LEPR: variants seen among roughly 807,000 people sequenced by gnomAD.
LEPR encodes OB receptor.
Under a neutral mutation model 114.7 loss-of-function variants are expected in LEPR, and 56 were observed. The ratio of observed to expected loss-of-function variants is 0.49; its 90% confidence interval spans 0.39 to 0.61. The LOEUF (loss-of-function observed/expected upper bound fraction) is 0.61. Ranked by LOEUF, LEPR falls within the 20% of genes least tolerant of loss-of-function variation. The probability of loss-of-function intolerance (pLI) is 0.00; values close to 1 mark genes in which losing one functional copy is unlikely to be tolerated. For synonymous variants in LEPR, 443 were observed against 461.4 expected, an observed-to-expected ratio of 0.96 and a Z score of 0.51; for missense variants, 1,202 against 1,352.9, an observed-to-expected ratio of 0.89 and a Z score of 1.75.
intron 2 of LEPR, among the ~76,000 whole-genome samples, chr1:65,430,631 C>G (rs1393309722): frequency 6.6e-6 from 1 of 152,150 alleles, no homozygotes; most frequent in Non-Finnish European, 1.5e-5. Flanking sequence ...CAATTACGTT[C>G]TATTTTAATT....
At chr1:65,604,924 C>T in intron 10 of LEPR, 114 bp from the exon 11 acceptor site, 1 of 1,319,640 alleles carries the variant, frequency 7.6e-7, no homozygotes. Context: ...AAACCGGTCC[C>T]TGGTGCCAAA....
chr1:65,519,407 C>T (rs1424797901), intron 2 of LEPR, among the ~76,000 whole-genome samples: 1 of 152,012 alleles, frequency 6.6e-6, no homozygotes, highest in African/African-American at 2.4e-5. Flanking sequence ...GCCTGAGCTT[C>T]CTAAAATGCT....
chr1:65,590,092 T>G (rs954901331), intron 5 of LEPR, among the ~76,000 whole-genome samples: 2 of 151,882 alleles, frequency 1.3e-5, no homozygotes, highest in Admixed American at 1.3e-4. Flanking sequence ...CTTAATAATT[T>G]CCGTCAACAG....
chr1:65,499,631 A>T (rs1428082742), intron 2 of LEPR, among the ~76,000 whole-genome samples: 14 of 152,190 alleles, frequency 9.2e-5, no homozygotes, highest in Non-Finnish European at 2.1e-4. Flanking sequence ...TATATAATGC[A>T]GTCAGTAGGG....
intron 12 of LEPR, among the ~76,000 whole-genome samples, 180 bp from the exon 13 acceptor site, chr1:65,609,767 C>G (rs1195352115): frequency 6.6e-6 from 1 of 152,130 alleles, no homozygotes; most frequent in African/African-American, 2.4e-5. Flanking sequence ...TAAGAAAATC[C>G]TTGACTTGAA....
intron 6 of LEPR, 138 bp from the exon 7 acceptor site, chr1:65,596,310 A>G: frequency 9.7e-7 from 1 of 1,030,936 alleles, no homozygotes. Context: ...CGGTTCTATA[A>G]TTAGTCCTTG....
chr1:65,492,165 G>T (rs1159345824), intron 2 of LEPR, among the ~76,000 whole-genome samples: 1 of 152,018 alleles, frequency 6.6e-6, no homozygotes. Context: ...GTGCACAAGT[G>T]GGGGTAAAAG....
intron 2 of LEPR, among the ~76,000 whole-genome samples, chr1:65,534,228 T>A (rs1055584046): frequency 1.1e-4 from 17 of 152,182 alleles, no homozygotes; most frequent in Non-Finnish European, 2.4e-4. Flanking sequence ...TCACTTCAAA[T>A]TTTCTTTCAT....
At position 65,596,585 on chromosome 1, in the gene LEPR, A is replaced by T. The variant is rs775355985; in HGVS notation, c.841A>T (p.Ile281Phe). 2 of 1,612,176 alleles carry T rather than the reference A, an allele frequency of 1.2e-6. No individual in the cohort carries two copies. The highest frequency in any genetic ancestry group is 1.7e-6 in the Non-Finnish European group (2 of 1,178,750). Residue 281 changes from isoleucine (I) to phenylalanine (F), a missense_variant, in exon 7 of 20, where the codon ATC (isoleucine) becomes TTC (phenylalanine). Ile to Phe is a conservative substitution (Grantham distance 21, BLOSUM62 0). Coordinates refer to ENST00000349533, the MANE Select transcript of LEPR (RefSeq NM_002303.6). Reference protein sequence around the residue: ...VKYSENSTTVIREADKIVSAT... With the variant: ...VKYSENSTTVFREADKIVSAT... Reference sequence around the variant, plus strand: ...ATATTCAGAGAATTCTACAACAGTTATCAGAGAAGTAAGTATATTTTAGTA... The same window carrying T: ...ATATTCAGAGAATTCTACAACAGTTTTCAGAGAAGTAAGTATATTTTAGTA...
chr1:65,522,652 A>G (rs1021753467), intron 2 of LEPR, among the ~76,000 whole-genome samples: 6 of 152,222 alleles, frequency 3.9e-5, no homozygotes, highest in Non-Finnish European at 7.3e-5. Context: ...TATGTTTTTG[A>G]AACTAACAAC....
In LEPR at chr1:65,433,187, A is replaced by G. The variant is rs1185022175; in HGVS notation, c.-21+7809A>G. 6.1e-6 allele frequency: 6 copies of G among 985,014 alleles called. No homozygotes were observed. In the Admixed American group the frequency reaches 2.5e-4, roughly 40 times the overall value. The allele number at this position is 985,014 out of a possible 1,614,324, so 61.0% of individuals were successfully genotyped here. On this transcript the variant is annotated intron_variant, in intron 2 of 19. Coordinates refer to ENST00000349533, the MANE Select transcript of LEPR (RefSeq NM_002303.6). ...CTCTGCCCCCCACCCCTACTCCTCA[A>G]CAGTTCTGGTTTGCCCTGACTTCTC...
intron 2 of LEPR, among the ~76,000 whole-genome samples, chr1:65,506,853 A>C (rs1648752995): frequency 6.6e-6 from 1 of 152,194 alleles, no homozygotes; most frequent in Non-Finnish European, 1.5e-5. Context: ...TTATTATTGC[A>C]GTCAGTATGC....
intron 2 of LEPR, among the ~76,000 whole-genome samples, chr1:65,536,669 T>C (rs1248998259): frequency 2.6e-5 from 4 of 152,178 alleles, no homozygotes; most frequent in Non-Finnish European, 5.9e-5. Context: ...GGTTAAGGGA[T>C]TCTTATTCAT....
intron 2 of LEPR, among the ~76,000 whole-genome samples, chr1:65,530,160 TC>T (rs1286566464): frequency 6.6e-5 from 10 of 152,210 alleles, no homozygotes; most frequent in Admixed American, 5.9e-4. Flanking sequence ...GCAGTCTTCC[TC>T]ATCTCCATCT....
intron 2 of LEPR, among the ~76,000 whole-genome samples, chr1:65,473,028 A>G (rs373357703): frequency 6.6e-6 from 1 of 152,246 alleles, no homozygotes; most frequent in Non-Finnish European, 1.5e-5. Context: ...GCAGCCAATT[A>G]TCTTTCTGAC....
chr1:65,432,089 C>T (rs1646493480), intron 2 of LEPR: 13 of 1,325,248 alleles, frequency 9.8e-6, no homozygotes, highest in Non-Finnish European at 1.3e-5. Flanking sequence ...GTTTTATTCT[C>T]AGCAAATAGA....
chr1:65,605,297 A>C (rs1656739280), intron 11 of LEPR, 60 bp downstream of exon 11: 7 of 1,596,738 alleles, frequency 4.4e-6, no homozygotes, highest in Non-Finnish European at 5.1e-6. Context: ...AGATTGATGC[A>C]GATTTAATGT....
At chr1:65,510,154 T>C (rs535054589) in intron 2 of LEPR, among the ~76,000 whole-genome samples, 1 of 152,178 alleles carries the variant, frequency 6.6e-6, no homozygotes, top group Non-Finnish European at 1.5e-5. Flanking sequence ...AGACAAGAGA[T>C]AGGATTACTG....
At chr1:65,572,894 G>T (rs570462314) in intron 5 of LEPR, among the ~76,000 whole-genome samples, 1 of 152,180 alleles carries the variant, frequency 6.6e-6, no homozygotes, top group African/African-American at 2.4e-5. Context: ...TGACTGCTTG[G>T]GCCAGCTGCT....
Sources: gnomAD v4.1 joint callset for allele counts (sites outside exome capture counted in the v4.1 genomes callset) on GRCh38, gnomAD v4.1.1 for gene constraint, MANE v1.5 for transcripts, NCBI Gene and HGNC (gene_info 2026-07-23, HGNC 2026-07-21) for gene names.